The following ANKDD1A variants were observed in gnomAD, a reference collection of about 807,000 sequenced individuals.
ANKDD1A encodes ankyrin repeat and death domain containing 1A.
In ANKDD1A, 59 loss-of-function variants were observed where a neutral mutation model predicts 63.5. The observed-to-expected ratio is 0.93, with a 90% CI of 0.75 to 1.15. ANKDD1A has a LOEUF of 1.15. ANKDD1A is among the 50% of genes most tolerant of loss of function. The probability of loss-of-function intolerance (pLI) is 0.00; values close to 1 mark genes in which losing one functional copy is unlikely to be tolerated. For synonymous variants in ANKDD1A, 266 were observed against 263.9 expected (o/e 1.01, Z -0.08); for missense variants, 632 against 656.4 (o/e 0.96, Z 0.41).
At chr15:64,916,988 A>G (rs1476622931) in intron 2 of ANKDD1A, among the ~76,000 whole-genome samples, 4 of 152,208 alleles carry the variant, frequency 2.6e-5, no homozygotes, top group Non-Finnish European at 4.4e-5. Context: ...TTGGAGGATA[A>G]TCCTTGGCCA....
At chr15:64,942,826 C>G (rs980748427) in intron 10 of ANKDD1A, among the ~76,000 whole-genome samples, 3 of 152,210 alleles carry the variant, frequency 2.0e-5, no homozygotes, top group African/African-American at 7.2e-5. Context: ...TTACATTCAA[C>G]CTTTTCCTTT....
intron 14 of ANKDD1A, among the ~76,000 whole-genome samples, chr15:64,951,640 CTA>C (rs1566915870): frequency 8.8e-6 from 1 of 113,454 alleles, no homozygotes; most frequent in Non-Finnish European, 1.8e-5. Context: ...TTTTCTTCTT[CTA>C]TCTTCTTTCC....
chr15:64,950,985 G>C, intron 14 of ANKDD1A: 2 of 1,272,148 alleles, frequency 1.6e-6, no homozygotes, highest in Non-Finnish European at 2.0e-6. Context: ...ACGCAGCCCC[G>C]AGTGCCCCCA....
intron 14 of ANKDD1A, among the ~76,000 whole-genome samples, chr15:64,951,933 CT>C (rs141221258): frequency 0.34 from 45,847 of 136,152 alleles, 8,095 homozygotes; most frequent in South Asian, 0.49. Flanking sequence ...CCTCTTCTTC[CT>C]TTCTTTTCTT....
intron 9 of ANKDD1A, among the ~76,000 whole-genome samples, chr15:64,940,435 T>G (rs5813334): frequency 0.5 from 61,071 of 121,716 alleles, 13,261 homozygotes; most frequent in African/African-American, 0.59. Flanking sequence ...TAGATAGATA[T>G]ATAGATATTT....
intron 9 of ANKDD1A, 27 bp from the exon 10 acceptor site, chr15:64,942,440 G>A (rs779295950): frequency 5.7e-6 from 9 of 1,572,036 alleles, no homozygotes; most frequent in South Asian, 1.1e-5. Context: ...GGGACTGGTC[G>A]ATTGATCCGT....
intron 9 of ANKDD1A, 106 bp downstream of exon 9, chr15:64,934,340 G>A: frequency 9.5e-7 from 1 of 1,049,476 alleles, no homozygotes; most frequent in Non-Finnish European, 1.4e-6. Flanking sequence ...TGGGGTTGGG[G>A]TGCGGACCAG....
Position 64,927,628 on chromosome 15 carries a change from G to A in ANKDD1A, c.570+629G>A, listed in dbSNP as rs529616718. Among the ~76,000 whole-genome samples the A allele has an allele frequency of 1.5e-3, 209 of 142,136 alleles. 1 individual carries two copies. The highest frequency in any genetic ancestry group is 3.4e-3 in the African/African-American group (131 of 38,294). The allele number at this position is 142,136 out of a possible 152,430, so 93.2% of individuals were successfully genotyped here. ...TTTTTTTTTTTTTTTTTTTTGAGAC[G>A]GAGTCTCGCTCTGTCGTCCAGGCTG... On this transcript the variant is annotated intron_variant, in intron 6 of 14. Transcript: ENST00000319580.
intron 4 of ANKDD1A, chr15:64,922,292 G>C: frequency 2.3e-6 from 1 of 431,088 alleles, no homozygotes; most frequent in South Asian, 2.7e-5. Flanking sequence ...AAGGAGGTGA[G>C]GTCTCCTCCA....
chr15:64,952,105 TTTTCTTCTTCTTTCTTCTC>T (rs2085297783), intron 14 of ANKDD1A, among the ~76,000 whole-genome samples: 3 of 27,132 alleles, frequency 1.1e-4, no homozygotes, highest in Non-Finnish European at 3.1e-4. Flanking sequence ...TTCTTCCTTC[TTTTCTTCTTCTTTCTTCTC>T]TTTCTTCTTC....
At chr15:64,937,142 G>A (rs1301403548) in intron 9 of ANKDD1A, among the ~76,000 whole-genome samples, 1 of 150,244 alleles carries the variant, frequency 6.7e-6, no homozygotes, top group African/African-American at 2.5e-5. Flanking sequence ...TTACCAATCT[G>A]TAGGGAAATA....
At chr15:64,915,273 C>T (rs1182722756) in intron 1 of ANKDD1A, among the ~76,000 whole-genome samples, 2 of 152,178 alleles carry the variant, frequency 1.3e-5, no homozygotes, top group Admixed American at 6.5e-5. Context: ...CCACTGCACT[C>T]CAGCCTGGGC....
intron 14 of ANKDD1A, among the ~76,000 whole-genome samples, chr15:64,952,278 TCTTC>T (rs1280882718): frequency 1.3e-5 from 2 of 150,684 alleles, no homozygotes; most frequent in East Asian, 3.9e-4. Flanking sequence ...TTCTTTTTCT[TCTTC>T]CTTCTCCTTC....
intron 14 of ANKDD1A, among the ~76,000 whole-genome samples, chr15:64,953,082 TCTTC>T (rs1194637886): frequency 6.7e-6 from 1 of 148,368 alleles, no homozygotes; most frequent in Non-Finnish European, 1.5e-5. Flanking sequence ...TCTTTCTTCT[TCTTC>T]CTTCTTATAC....
intron 6 of ANKDD1A, among the ~76,000 whole-genome samples, chr15:64,929,625 A>T (rs998610573): frequency 2.0e-5 from 3 of 152,200 alleles, no homozygotes; most frequent in Non-Finnish European, 4.4e-5. Context: ...AGCAACTACC[A>T]GTCCTCTGGC....
At chr15:64,954,456 CCCT>C (rs1407452068) in intron 14 of ANKDD1A, among the ~76,000 whole-genome samples, 8 of 124,374 alleles carry the variant, frequency 6.4e-5, no homozygotes, top group Non-Finnish European at 1.1e-4. Flanking sequence ...TCTTCTTCTT[CCCT>C]CTTCTCCTTC....
intron 8 of ANKDD1A, among the ~76,000 whole-genome samples, chr15:64,933,293 T>G (rs1442010150): frequency 6.6e-6 from 1 of 152,148 alleles, no homozygotes; most frequent in Admixed American, 6.5e-5. Context: ...TCTCAAGAAC[T>G]CCTCAATCCT....
chr15:64,955,999 G>C (rs907058863), intron 14 of ANKDD1A, among the ~76,000 whole-genome samples: 5 of 152,170 alleles, frequency 3.3e-5, no homozygotes, highest in African/African-American at 1.2e-4. Context: ...GTGAAATAGA[G>C]TATGTTCCAT....
intron 1 of ANKDD1A, 124 bp from the exon 2 acceptor site, chr15:64,915,673 C>T: frequency 4.0e-6 from 3 of 758,466 alleles, no homozygotes; most frequent in South Asian, 3.1e-5. Flanking sequence ...CCGCTCTGCC[C>T]CTGTTCCTAG....
Sources: gnomAD v4.1 joint callset for allele counts (sites outside exome capture counted in the v4.1 genomes callset) on GRCh38, gnomAD v4.1.1 for gene constraint, MANE v1.5 for transcripts, NCBI Gene and HGNC (gene_info 2026-07-23, HGNC 2026-07-21) for gene names.